GSK3A: variants seen among roughly 807,000 people sequenced by gnomAD.
The protein encoded by GSK3A is glycogen synthase kinase-3 alpha.
Under a neutral mutation model 56.6 loss-of-function variants are expected in GSK3A, and 14 were observed. That is an observed-to-expected ratio of 0.25 (90% CI 0.16 to 0.39). GSK3A has a LOEUF of 0.39. GSK3A is among the 10% of genes least tolerant of loss of function. The probability of loss-of-function intolerance (pLI) is 1.00; values close to 1 mark genes in which losing one functional copy is unlikely to be tolerated. For synonymous variants in GSK3A, 301 were observed against 285.0 expected, an observed-to-expected ratio of 1.06 and a Z score of -0.56; for missense variants, 450 against 656.0, an observed-to-expected ratio of 0.69 and a Z score of 3.43.
intron 9 of GSK3A, 47 bp downstream of exon 9, chr19:42,232,449 G>T: frequency 1.3e-6 from 2 of 1,557,550 alleles, no homozygotes; most frequent in South Asian, 1.1e-5. Flanking sequence ...ATCTTTGGCT[G>T]CCCCCCTACC....
At position 42,233,168 on chromosome 19, in the gene GSK3A, A is replaced by G; in HGVS notation, c.1040T>C (p.Met347Thr). The G allele has an allele frequency of 1.2e-6, 2 of 1,609,892 alleles. No homozygotes were observed. Among genetic ancestry groups the G allele is most frequent in the Non-Finnish European group, 1.7e-6 (2 of 1,177,806 alleles). The change falls in exon 8 of 11, where the codon ATG (methionine) becomes ACG (threonine). Residue 347 changes from methionine (M) to threonine (T), a missense_variant. Physicochemically the swap from Met to Thr is moderately conservative, Grantham distance 81. This residue lies in a region of GSK3A where 144 missense variants were observed against 308.0 expected (regional missense o/e 0.47). Transcript: ENST00000222330. ...CTTGAACTCCGTGTAGTTGGGGTTC[A>G]TCTCTCGGATTTGTTCCCGGGTTGG... The part of the protein sequence containing the change: ...GTPTREQIRE[M>T]NPNYTEFKFP...
At position 42,234,500 on chromosome 19, in the gene GSK3A, T is replaced by C; in HGVS notation, c.798-41A>G. The C allele has an allele frequency of 6.2e-7, 1 of 1,612,956 alleles. No homozygotes were observed. Among genetic ancestry groups the C allele is most frequent in the Non-Finnish European group, 8.5e-7 (1 of 1,179,042 alleles). ...GGCAGGGGTACACGTGAGGCAAGGG[T>C]TGGGGTCCCCCCTGCCTCTTCAGCC... is the stretch of plus-strand genomic sequence containing the variant. On this transcript the variant is annotated intron_variant, in intron 5 of 10. Transcript: ENST00000222330. The surrounding 1 kb of genome is among the most constrained non-coding windows in gnomAD (Gnocchi z 5.7).
chr19:42,242,353 C>A lies in GSK3A; in HGVS notation c.113G>T (p.Gly38Val). The change falls in exon 1 of 11, where the codon GGC (glycine) becomes GTC (valine). Residue 38 changes from glycine (G) to valine (V), a missense_variant. Around this residue, in one of 3 missense-constraint regions of GSK3A, gnomAD observed 193 missense variants for 200.5 expected, o/e 0.96. Transcript: ENST00000222330. ...GGGGGGGGPG[G>V]SASGPGGTGG... ...GGTGCCGCCTGGGCCGGAGGCCGAG[C>A]CTCCGGGGCCGCCGCCGCCTCCTCC... is the stretch of plus-strand genomic sequence containing the variant. The A allele has an allele frequency of 7.1e-7, 1 of 1,407,770 alleles. No individual in the cohort carries two copies. Among genetic ancestry groups the A allele is most frequent in the Non-Finnish European group, 9.2e-7 (1 of 1,084,252 alleles). 87.2% of individuals were successfully genotyped at this position (1,407,770 alleles called of 1,614,324 possible).
In GSK3A at chr19:42,234,536, C is replaced by T. The variant is rs865878103; in HGVS notation, c.797+12G>A. 3 of 1,612,946 alleles carry T rather than the reference C, an allele frequency of 1.9e-6. No homozygotes were observed. The highest frequency in any genetic ancestry group is 2.5e-6 in the Non-Finnish European group (3 of 1,179,118). Reference sequence around the variant, plus strand: ...CCTGCCTCTTCAGCCACCCAACATGCCCCAGGCCCACCTGCCAAAATCGCA... The same window carrying T: ...CCTGCCTCTTCAGCCACCCAACATGTCCCAGGCCCACCTGCCAAAATCGCA... On this transcript the variant is annotated intron_variant, in intron 5 of 10. Transcript: ENST00000222330. This position sits in a 1 kb window ranked among gnomAD's most constrained non-coding sequence, Gnocchi z 5.7.
Position 42,232,548 on chromosome 19 carries a change from G to T in GSK3A, c.1233C>A (p.Thr411=). 3 of 1,614,130 alleles carry T rather than the reference G, an allele frequency of 1.9e-6. No individual in the cohort carries two copies. Among genetic ancestry groups the T allele is most frequent in the Non-Finnish European group, 2.5e-6 (3 of 1,180,022 alleles). Residue 411 remains threonine, a synonymous_variant, in exon 9 of 11, where the codon ACC becomes ACA. Transcript: ENST00000222330. ...SFFDELRCLG[T]QLPNNRPLPP... is the part of the protein sequence containing the mutation. ...GAAGTGGGCGGTTGTTAGGCAGCTG[G>T]GTTCCCAGACATCGCAGTTCATCAA...
chr19:42,237,889 A>AATC (rs1241053882), intron 2 of GSK3A, among the ~76,000 whole-genome samples: 4 of 151,026 alleles, frequency 2.6e-5, no homozygotes, highest in African/African-American at 4.9e-5. Flanking sequence ...TAATAATAAT[A>AATC]AATAAATAAA....
chr19:42,230,519 G>A lies in GSK3A; in HGVS notation c.*275C>T, dbSNP rs887788226. 1.6e-5 allele frequency: 8 copies of A among 502,298 alleles called. No homozygotes were observed. The highest frequency in any genetic ancestry group is 2.9e-5 in the Non-Finnish European group (8 of 279,374). 31.1% of individuals were successfully genotyped at this position (502,298 alleles called of 1,614,324 possible). A position where few individuals can be genotyped will look rare whatever the true frequency, so the allele number is the denominator to read the frequency against. On this transcript the variant is annotated 3_prime_UTR_variant, in exon 11 of 11. Coordinates refer to ENST00000222330, the MANE Select transcript of GSK3A (RefSeq NM_019884.3). ...GGGGGTCTGGAGGAGGTGGAGGTCT[G>A]GGGGAGGGGAGGGGGCCAAGGGGGT... is the stretch of plus-strand genomic sequence containing the variant.
chr19:42,236,760 G>A (rs372084773), intron 3 of GSK3A, 44 bp from the exon 4 acceptor site: 19 of 1,529,816 alleles, frequency 1.2e-5, no homozygotes, highest in Non-Finnish European at 1.5e-5. Flanking sequence ...TGAGAAGAGT[G>A]AGGAGGGGGA....
At chr19:42,235,486 GT>G (rs1168086930) in intron 4 of GSK3A, among the ~76,000 whole-genome samples, 1 of 152,194 alleles carries the variant, frequency 6.6e-6, no homozygotes, top group Non-Finnish European at 1.5e-5. Context: ...TTGAGTTTCA[GT>G]TACTGCTGCA....
chr19:42,233,262 GCCCAGCCCA>G lies in GSK3A; in HGVS notation c.1002+15_1002+23del. On this transcript the variant is annotated intron_variant, in intron 7 of 10. Transcript: ENST00000222330. ...GCCCCATCCCTCAGCCCCACCCCCT[GCCCAGCCCA>G]GCCCCGCCCCTCACCTTGATGATCT... 4 of 1,077,462 alleles carry G rather than the reference GCCCAGCCCA, an allele frequency of 3.7e-6. No homozygotes were observed. The highest frequency in any genetic ancestry group is 5.5e-6 in the Non-Finnish European group (4 of 726,248). 66.7% of individuals were successfully genotyped at this position (1,077,462 alleles called of 1,614,324 possible). A position where few individuals can be genotyped will look rare whatever the true frequency, so the allele number is the denominator to read the frequency against.
At chr19:42,232,380 G>A (rs1217070097) in intron 9 of GSK3A, 116 bp downstream of exon 9, 12 of 931,944 alleles carry the variant, frequency 1.3e-5, no homozygotes, top group Admixed American at 2.2e-5. Flanking sequence ...TGAGCCCCAG[G>A]CCTGCCTTGT....
chr19:42,239,249 C>T (rs910546588), intron 2 of GSK3A, among the ~76,000 whole-genome samples: 8 of 152,212 alleles, frequency 5.3e-5, no homozygotes, highest in Admixed American at 1.3e-4. Context: ...AATTCTGACA[C>T]CCTGGAGCTC....
intron 10 of GSK3A, 100 bp from the exon 11 acceptor site, chr19:42,230,967 A>G (rs894302380): frequency 8.6e-6 from 7 of 810,300 alleles, no homozygotes; most frequent in Non-Finnish European, 1.1e-5. Flanking sequence ...ATGCTACATT[A>G]AAAGTTACAA....
chr19:42,232,480 C>T lies in GSK3A; in HGVS notation c.1285+16G>A. ...CTACCCCGCCCCACTCCCCAGATCC[C>T]AGGCTATGCCCTCACCACCAGCACT... On this transcript the variant is annotated intron_variant, in intron 9 of 10. Transcript: ENST00000222330. 2 of 1,613,396 alleles carry T rather than the reference C, an allele frequency of 1.2e-6. No individual in the cohort carries two copies. The highest frequency in any genetic ancestry group is 1.7e-6 in the Non-Finnish European group (2 of 1,179,498).
Position 42,232,089 on chromosome 19 carries a change from G to C in GSK3A, c.1346C>G (p.Ala449Gly). The C allele has an allele frequency of 6.2e-7, 1 of 1,608,934 alleles. No individual in the cohort carries two copies. Among genetic ancestry groups the C allele is most frequent in the Non-Finnish European group, 8.5e-7 (1 of 1,176,186 alleles). ...GGACGGGGTGAGGGTGGTAGTGCCC[G>C]CTGGGGACCTCAAGTGAGGAGGGAT... is the stretch of plus-strand genomic sequence containing the variant. ...ILIPPHLRSP[A>G]GTTTLTPSSQ... Residue 449 changes from alanine (A) to glycine (G), a missense_variant, in exon 10 of 11, where the codon GCG (alanine) becomes GGG (glycine). By Grantham distance (60) the Ala-to-Gly change is moderately conservative (BLOSUM62 0). This residue lies in a region of GSK3A where 113 missense variants were observed against 147.5 expected (regional missense o/e 0.77). Coordinates refer to ENST00000222330, the MANE Select transcript of GSK3A (RefSeq NM_019884.3).
intron 2 of GSK3A, among the ~76,000 whole-genome samples, chr19:42,237,967 ACTCCTAGT>A (rs905050529): frequency 5.3e-5 from 8 of 151,978 alleles, no homozygotes; most frequent in African/African-American, 1.4e-4. Flanking sequence ...TTGGTTTTGA[ACTCCTAGT>A]CTCAGGCAAT....
At chr19:42,238,462 C>G (rs1000324294) in intron 2 of GSK3A, among the ~76,000 whole-genome samples, 4 of 151,338 alleles carry the variant, frequency 2.6e-5, no homozygotes, top group Non-Finnish European at 4.4e-5. Flanking sequence ...AAAAAATTAG[C>G]CGAGAGTGGT....
Position 42,242,337 on chromosome 19 carries a change from TGGGCCGGAGGCCGAGCCTCCG to T in GSK3A, c.108_128del (p.Ser39_Gly45del). On this transcript the variant is annotated inframe_deletion, in exon 1 of 11. Coordinates refer to ENST00000222330, the MANE Select transcript of GSK3A (RefSeq NM_019884.3). Reference sequence around the variant, plus strand: ...ATGCCTTTCCGCCGCCGGTGCCGCCTGGGCCGGAGGCCGAGCCTCCGGGGCCGCCGCCGCCTCCTCCGCCTC... The same window carrying T: ...ATGCCTTTCCGCCGCCGGTGCCGCCTGGGCCGCCGCCGCCTCCTCCGCCTC... The T allele has an allele frequency of 7.0e-7, 1 of 1,426,052 alleles. No individual in the cohort carries two copies. The highest frequency in any genetic ancestry group is 9.1e-7 in the Non-Finnish European group (1 of 1,094,936). 88.3% of individuals were successfully genotyped at this position (1,426,052 alleles called of 1,614,324 possible).
intron 1 of GSK3A, 103 bp downstream of exon 1, chr19:42,242,080 G>A: frequency 9.5e-7 from 1 of 1,051,490 alleles, no homozygotes; most frequent in Non-Finnish European, 1.2e-6. Flanking sequence ...GGGAGGCACA[G>A]TGACCTCGAG....
Sources: gnomAD v4.1 joint callset for allele counts (sites outside exome capture counted in the v4.1 genomes callset) on GRCh38, gnomAD v4.1.1 for gene constraint, gnomAD v4.1.1 regional missense constraint, Gnocchi (gnomAD v3.1) non-coding constraint, MANE v1.5 for transcripts, NCBI Gene and HGNC (gene_info 2026-07-23, HGNC 2026-07-21) for gene names.